WIPF3: variants seen among roughly 807,000 people sequenced by gnomAD.
WIPF3 encodes the protein WAS/WASL-interacting protein family member 3.
A neutral mutation model predicts 38.9 loss-of-function variants in WIPF3; 33 were observed. The observed-to-expected ratio is 0.85, with a 90% CI of 0.64 to 1.14. The LOEUF (loss-of-function observed/expected upper bound fraction) is 1.14. Ranked by LOEUF, WIPF3 falls within the 50% of genes most tolerant of loss-of-function variation. The pLI is 0.00. For missense variants in WIPF3, 711 were observed against 652.5 expected, an observed-to-expected ratio of 1.09 and a Z score of -0.98; for synonymous variants, 324 against 269.3, an observed-to-expected ratio of 1.20 and a Z score of -1.99.
At chr7:29,871,219 T>C (rs1309142375) in intron 2 of WIPF3, among the ~76,000 whole-genome samples, 5 of 152,214 alleles carry the variant, frequency 3.3e-5, no homozygotes, top group Non-Finnish European at 7.3e-5. Flanking sequence ...TGTGTTCTCC[T>C]ACATAAAGAT....
chr7:29,895,085 C>T (rs955473675), intron 7 of WIPF3, among the ~76,000 whole-genome samples: 3 of 151,784 alleles, frequency 2.0e-5, no homozygotes, highest in Admixed American at 1.3e-4. Context: ...CCAAGTAGCC[C>T]ATGCACCACC....
chr7:29,901,383 ATTTTTTTTTTT>A (rs543723994), intron 7 of WIPF3, among the ~76,000 whole-genome samples: 61 of 122,150 alleles, frequency 5.0e-4, no homozygotes, highest in Admixed American at 7.3e-4. Context: ...AGCAGCAGTG[ATTTTTTTTTTT>A]TTTTTTTTTT....
At chr7:29,856,036 T>C (rs932833592) in intron 2 of WIPF3, among the ~76,000 whole-genome samples, 3 of 152,218 alleles carry the variant, frequency 2.0e-5, no homozygotes, top group African/African-American at 7.2e-5. Flanking sequence ...TTCTTAGATA[T>C]GTATGTATAT....
chr7:29,885,290 T>C (rs1728014818), intron 5 of WIPF3, among the ~76,000 whole-genome samples: 1 of 152,230 alleles, frequency 6.6e-6, no homozygotes, highest in South Asian at 2.1e-4. Context: ...CATTCAGTTT[T>C]AGTGCCCCTG....
chr7:29,905,416 T>C (rs1013941889), intron 8 of WIPF3: 2 of 152,252 alleles, frequency 1.3e-5, no homozygotes, highest in African/African-American at 2.4e-5. Context: ...AACAATTGCA[T>C]TGGCAGAATC....
intron 2 of WIPF3, among the ~76,000 whole-genome samples, chr7:29,848,120 G>A (rs1289367552): frequency 6.6e-6 from 1 of 152,100 alleles, no homozygotes; most frequent in Non-Finnish European, 1.5e-5. Flanking sequence ...TTGCTGAGTT[G>A]AGTGGACTTG....
intron 3 of WIPF3, among the ~76,000 whole-genome samples, chr7:29,877,028 A>G (rs1464190926): frequency 1.3e-5 from 2 of 152,180 alleles, no homozygotes; most frequent in African/African-American, 4.8e-5. Flanking sequence ...AAAAATCCCA[A>G]ATCTGAAACT....
chr7:29,899,212 C>T (rs1229367956), intron 7 of WIPF3, among the ~76,000 whole-genome samples: 1 of 152,184 alleles, frequency 6.6e-6, no homozygotes, highest in Non-Finnish European at 1.5e-5. Flanking sequence ...AAAAGCCACA[C>T]CTCCAAATAC....
chr7:29,845,323 T>G (rs1562776050), intron 2 of WIPF3, among the ~76,000 whole-genome samples: 1 of 152,202 alleles, frequency 6.6e-6, no homozygotes, highest in Non-Finnish European at 1.5e-5. Context: ...GGCTGCCCCT[T>G]GAGCTCAGTG....
chr7:29,806,986 T>G (rs568535273), intron 1 of WIPF3, among the ~76,000 whole-genome samples: 2 of 151,736 alleles, frequency 1.3e-5, no homozygotes, highest in African/African-American at 2.4e-5. Context: ...CTTGGTGACT[T>G]CTCCGGACTG....
chr7:29,912,360 C>T (rs570985867), intron 8 of WIPF3, among the ~76,000 whole-genome samples: 62 of 152,346 alleles, frequency 4.1e-4, no homozygotes, highest in Middle Eastern at 3.4e-3. Flanking sequence ...CTGTGGAAAA[C>T]AGTATGGCAG....
chr7:29,845,780 A>G (rs1784990014), intron 2 of WIPF3, among the ~76,000 whole-genome samples: 1 of 152,242 alleles, frequency 6.6e-6, no homozygotes, highest in Non-Finnish European at 1.5e-5. Flanking sequence ...CTGAAGACAG[A>G]GAGTCTGTGC....
intron 8 of WIPF3, among the ~76,000 whole-genome samples, chr7:29,910,095 C>T (rs958963291): frequency 3.3e-5 from 5 of 152,036 alleles, no homozygotes; most frequent in Admixed American, 2.6e-4. Flanking sequence ...ACTGGATTGT[C>T]TGTAACCCAA....
chr7:29,820,356 G>A (rs897558808), intron 1 of WIPF3, among the ~76,000 whole-genome samples: 1 of 151,968 alleles, frequency 6.6e-6, no homozygotes, highest in African/African-American at 2.4e-5. Context: ...TCCAGTTTGA[G>A]GGCTTTTTCT....
chr7:29,818,596 G>T (rs965587206), intron 1 of WIPF3, among the ~76,000 whole-genome samples: 4 of 147,866 alleles, frequency 2.7e-5, no homozygotes, highest in Admixed American at 1.4e-4. Context: ...TAATTTTTCC[G>T]TGGAGTCTGT....
intron 4 of WIPF3, among the ~76,000 whole-genome samples, chr7:29,882,069 G>A (rs764458542): frequency 6.6e-5 from 10 of 152,150 alleles, no homozygotes; most frequent in Non-Finnish European, 1.3e-4. Flanking sequence ...GCCCGCCCTC[G>A]CTTCTGCTGC....
At chr7:29,852,768 A>T (rs1446338907) in intron 2 of WIPF3, among the ~76,000 whole-genome samples, 1 of 152,204 alleles carries the variant, frequency 6.6e-6, no homozygotes, top group African/African-American at 2.4e-5. Flanking sequence ...CCCAGTGGTG[A>T]TGGCTGAGTT....
At chr7:29,836,082 A>G (rs1484459275) in intron 2 of WIPF3, among the ~76,000 whole-genome samples, 1 of 152,230 alleles carries the variant, frequency 6.6e-6, no homozygotes, top group Non-Finnish European at 1.5e-5. Context: ...GCCCTGCAAG[A>G]CAGTAGAAAG....
chr7:29,853,889 C>T (rs915739450), intron 2 of WIPF3, among the ~76,000 whole-genome samples: 7 of 152,168 alleles, frequency 4.6e-5, no homozygotes, highest in African/African-American at 7.2e-5. Context: ...CTTCTACTAC[C>T]GTTTTCCTGG....
Sources: allele counts gnomAD v4.1 joint callset (sites outside exome capture counted in the v4.1 genomes callset), GRCh38; gene constraint gnomAD v4.1.1; transcripts MANE v1.5; gene names NCBI Gene and HGNC (gene_info 2026-07-23, HGNC 2026-07-21).